The following LDB2 variants were observed in gnomAD, a reference collection of about 807,000 sequenced individuals.
The protein encoded by LDB2 is LIM domain binding 2.
A neutral mutation model predicts 44.3 loss-of-function variants in LDB2; 12 were observed. The ratio of observed to expected loss-of-function variants is 0.27; its 90% CI spans 0.17 to 0.44. The LOEUF (loss-of-function observed/expected upper bound fraction) is 0.44. Ranked by LOEUF, LDB2 falls within the 20% of genes least tolerant of loss-of-function variation. The pLI is 1.00. For synonymous variants in LDB2, 164 were observed against 174.8 expected, an observed-to-expected ratio of 0.94 and a Z score of 0.49; for missense variants, 344 against 473.5, an observed-to-expected ratio of 0.73 and a Z score of 2.54.
intron 5 of LDB2, among the ~76,000 whole-genome samples, chr4:16,526,729 C>T (rs909945077): frequency 2.6e-5 from 4 of 152,148 alleles, no homozygotes; most frequent in African/African-American, 9.7e-5. Flanking sequence ...ATGTGTACAC[C>T]TCTAGAAGCT....
intron 1 of LDB2, among the ~76,000 whole-genome samples, chr4:16,875,710 G>C (rs773184336): frequency 6.6e-6 from 1 of 152,192 alleles, no homozygotes; most frequent in Non-Finnish European, 1.5e-5. Flanking sequence ...GCTGCAGAGC[G>C]AAGAGACATT....
intron 1 of LDB2, among the ~76,000 whole-genome samples, chr4:16,864,614 C>CA (rs776504529): frequency 8.5e-5 from 13 of 152,282 alleles, no homozygotes; most frequent in Non-Finnish European, 1.6e-4. Context: ...AAGGGAACTG[C>CA]AACCAACTCT....
intron 5 of LDB2, among the ~76,000 whole-genome samples, chr4:16,566,036 A>T (rs1744399559): frequency 6.6e-6 from 1 of 152,068 alleles, no homozygotes; most frequent in African/African-American, 2.4e-5. Context: ...AAAGATCTCA[A>T]AAAGGAGTTC....
At chr4:16,823,332 T>A (rs1782457989) in intron 1 of LDB2, among the ~76,000 whole-genome samples, 1 of 152,242 alleles carries the variant, frequency 6.6e-6, no homozygotes, top group African/African-American at 2.4e-5. Context: ...CACTTTCTTT[T>A]GACTTCATCA....
intron 1 of LDB2, among the ~76,000 whole-genome samples, chr4:16,838,979 C>T (rs62298185): frequency 0.18 from 27,214 of 152,140 alleles, 2,889 homozygotes; most frequent in Non-Finnish European, 0.23. Flanking sequence ...GAAAGCCTCA[C>T]AAAAGAGCAG....
chr4:16,812,631 A>ATGTGTGTGTG (rs5856389), intron 1 of LDB2, among the ~76,000 whole-genome samples: 38,690 of 125,680 alleles, frequency 0.31, 7,545 homozygotes, highest in Non-Finnish European at 0.42. Context: ...TATTAAATAT[A>ATGTGTGTGTG]TGTGTGTGTG....
intron 1 of LDB2, among the ~76,000 whole-genome samples, chr4:16,828,854 C>T (rs911916884): frequency 1.3e-5 from 2 of 152,086 alleles, no homozygotes; most frequent in Non-Finnish European, 2.9e-5. Context: ...ATACTCCTAT[C>T]TTTATTAAAA....
intron 1 of LDB2, chr4:16,888,617 T>C: frequency 1.6e-6 from 1 of 643,108 alleles, no homozygotes; most frequent in Non-Finnish European, 1.9e-6. Flanking sequence ...TGCAGGCATG[T>C]AAAAAGTATT....
intron 1 of LDB2, among the ~76,000 whole-genome samples, chr4:16,774,153 CAAAAA>C (rs35866468): frequency 1.8e-5 from 1 of 56,040 alleles, no homozygotes; most frequent in Non-Finnish European, 3.2e-5. Context: ...GACTCCGTCT[CAAAAA>C]AAAAAAAAAA....
chr4:16,600,117 CA>C (rs1722170664), intron 2 of LDB2, among the ~76,000 whole-genome samples: 1 of 146,914 alleles, frequency 6.8e-6, no homozygotes, highest in South Asian at 2.3e-4. Flanking sequence ...ATTGCACAGT[CA>C]GATATAAATG....
intron 1 of LDB2, among the ~76,000 whole-genome samples, chr4:16,865,984 C>T (rs564240313): frequency 2.0e-5 from 3 of 152,292 alleles, no homozygotes; most frequent in Admixed American, 1.3e-4. Context: ...AAATCAGCTA[C>T]CCCCATTCAG....
intron 2 of LDB2, among the ~76,000 whole-genome samples, chr4:16,686,095 A>G (rs1302091763): frequency 2.0e-5 from 3 of 152,150 alleles, no homozygotes; most frequent in African/African-American, 7.2e-5. Context: ...GGCAGATCAA[A>G]GCTAATCACA....
At chr4:16,630,981 T>A (rs576181857) in intron 2 of LDB2, among the ~76,000 whole-genome samples, 1 of 152,114 alleles carries the variant, frequency 6.6e-6, no homozygotes, top group South Asian at 2.1e-4. Context: ...TCCCACACAA[T>A]AATAATGGGA....
chr4:16,586,397 A>C (rs565844712), intron 4 of LDB2, among the ~76,000 whole-genome samples: 45 of 151,788 alleles, frequency 3.0e-4, no homozygotes, highest in African/African-American at 1.1e-3. Flanking sequence ...ATGCTTCAGG[A>C]CTGGCCTTTG....
chr4:16,651,015 A>G (rs1466938078), intron 2 of LDB2: 1 of 152,194 alleles, frequency 6.6e-6, no homozygotes, highest in Non-Finnish European at 1.5e-5. Context: ...TTCACCCTAT[A>G]TTTCCCAAAA....
chr4:16,588,825 G>A lies in LDB2; in HGVS notation c.416C>T (p.Thr139Ile), dbSNP rs776172181. ...GAACTCCAAGATCAGTCTGCCTTCT[G>A]TACATACCTGGAAGTGACAAACCAC... ...HGKPMFTKVC[T>I]EGRLILEFTF... Residue 139 changes from threonine (T) to isoleucine (I), a missense_variant, in exon 4 of 8, where the codon ACA (threonine) becomes ATA (isoleucine). Around this residue, in one of 3 missense-constraint regions of LDB2, gnomAD observed 226 missense variants for 270.1 expected, o/e 0.84. Transcript: ENST00000304523. The A allele has an allele frequency of 6.2e-7, 1 of 1,612,922 alleles. No individual in the cohort carries two copies. Among genetic ancestry groups the A allele is most frequent in the Non-Finnish European group, 8.5e-7 (1 of 1,179,710 alleles).
intron 1 of LDB2, among the ~76,000 whole-genome samples, chr4:16,825,745 G>A (rs1354773225): frequency 6.6e-6 from 1 of 152,024 alleles, no homozygotes; most frequent in Non-Finnish European, 1.5e-5. Flanking sequence ...TCTGGGCAAT[G>A]GGCTTCACTC....
At chr4:16,544,859 A>G (rs548356911) in intron 5 of LDB2, among the ~76,000 whole-genome samples, 6 of 152,312 alleles carry the variant, frequency 3.9e-5, no homozygotes, top group African/African-American at 1.4e-4. Flanking sequence ...ATATTAATAA[A>G]TGAAGGAGTT....
At chr4:16,835,888 C>T (rs902388985) in intron 1 of LDB2, among the ~76,000 whole-genome samples, 5 of 152,194 alleles carry the variant, frequency 3.3e-5, no homozygotes, top group African/African-American at 4.8e-5. Flanking sequence ...TAGAGCTCAA[C>T]TTCACATTTA....
Sources: gnomAD v4.1 joint callset for allele counts (sites outside exome capture counted in the v4.1 genomes callset) on GRCh38, gnomAD v4.1.1 for gene constraint, gnomAD v4.1.1 regional missense constraint, MANE v1.5 for transcripts, NCBI Gene and HGNC (gene_info 2026-07-23, HGNC 2026-07-21) for gene names.